LMO7: variants seen among roughly 807,000 people sequenced by gnomAD.
LMO7 encodes the protein LIM domain 7.
Under a neutral mutation model 206.5 loss-of-function variants are expected in LMO7, and 120 were observed. That is an observed-to-expected ratio of 0.58 (90% confidence interval 0.50 to 0.68). The LOEUF is 0.68. Among genes scored for constraint, LMO7 ranks in the 30% least tolerant of loss-of-function variants. LMO7 has a pLI of 0.00. For missense variants in LMO7, 1,959 were observed against 1,957.9 expected (o/e 1.00, Z -0.01); for synonymous variants, 706 against 681.5 (o/e 1.04, Z -0.56).
chr13:75,801,742 G>A (rs1257670929), intron 7 of LMO7, among the ~76,000 whole-genome samples: 4 of 151,994 alleles, frequency 2.6e-5, no homozygotes, highest in Non-Finnish European at 5.9e-5. Context: ...ATTGAGTTCT[G>A]GCTGTGATTT....
At chr13:75,786,104 C>T (rs1647670592) in intron 4 of LMO7, among the ~76,000 whole-genome samples, 1 of 152,214 alleles carries the variant, frequency 6.6e-6, no homozygotes, top group Non-Finnish European at 1.5e-5. Context: ...CCTCACCCCT[C>T]ATCTGCTCCA....
intron 4 of LMO7, among the ~76,000 whole-genome samples, chr13:75,782,654 G>A (rs1157135703): frequency 1.3e-5 from 2 of 152,178 alleles, no homozygotes. Flanking sequence ...TAAAAACAAG[G>A]CATCAGCAGG....
At chr13:75,845,417 G>T (rs1595492456) in intron 26 of LMO7, 38 bp downstream of exon 26, 19 of 1,247,592 alleles carry the variant, frequency 1.5e-5, no homozygotes, top group Middle Eastern at 1.9e-4. Flanking sequence ...CTTCAGAGTT[G>T]CTTATTTGTG....
At chr13:75,703,739 T>TGTGTGCGC (rs57290262) in intron 1 of LMO7, among the ~76,000 whole-genome samples, 47 of 151,674 alleles carry the variant, frequency 3.1e-4, no homozygotes, top group African/African-American at 1.1e-3. Context: ...TGTGTGTGTG[T>TGTGTGCGC]GCACTGTGAG....
chr13:75,713,209 A>G lies in LMO7; in HGVS notation c.97A>G (p.Lys33Glu). 1 of 1,612,010 alleles carries G rather than the reference A, an allele frequency of 6.2e-7. No individual in the cohort carries two copies. Among genetic ancestry groups the G allele is most frequent in the Non-Finnish European group, 8.5e-7 (1 of 1,178,794 alleles). ...EAVTEKNFET[K>E]DFRASLENGV... The stretch of plus-strand genomic sequence containing the variant: ...AGTAACAGAGAAGAATTTTGAAACA[A>G]AAGATTTTCGAGCCTCTCTAGAAAA... Residue 33 changes from lysine (K) to glutamate (E), a missense_variant, in exon 2 of 31, where the codon AAA becomes GAA. Lys to Glu is a moderately conservative substitution (Grantham distance 56, BLOSUM62 1). Coordinates refer to ENST00000377534, the MANE Select transcript of LMO7 (RefSeq NM_001306080.2).
chr13:75,633,840 C>CTTT (rs1566256517), upstream of LMO7, among the ~76,000 whole-genome samples: 1 of 111,274 alleles, frequency 9.0e-6, no homozygotes, highest in Admixed American at 1.1e-4. Flanking sequence ...CGTGTCTTTT[C>CTTT]CTTTTTTTTT....
chr13:75,804,304 C>G lies in LMO7; in HGVS notation c.677C>G (p.Thr226Arg). ...RGGREGFESD[T>R]DSEFTFKMQD... The stretch of plus-strand genomic sequence containing the variant: ...TTCTTTATAGGTTTTGAAAGTGACA[C>G]AGATTCGGAATTTACATTTAAGATG... The change falls in exon 8 of 31, where the codon ACA (threonine) becomes AGA (arginine). Residue 226 changes from threonine to arginine, a missense_variant. Physicochemically the swap from Thr to Arg is moderately conservative, Grantham distance 71. Coordinates refer to ENST00000377534, the MANE Select transcript of LMO7 (RefSeq NM_001306080.2). 1 of 1,612,636 alleles carries G rather than the reference C, an allele frequency of 6.2e-7. No homozygotes were observed. The highest frequency in any genetic ancestry group is 1.1e-5 in the South Asian group (1 of 91,028).
At chr13:75,626,334 T>TA (rs778146800) in intron 2 of LMO7, among the ~76,000 whole-genome samples, 321 of 151,622 alleles carry the variant, frequency 2.1e-3, no homozygotes, top group Non-Finnish European at 3.6e-3. Flanking sequence ...AGGCACTCCT[T>TA]ACATGGTGGC....
intron 4 of LMO7, among the ~76,000 whole-genome samples, chr13:75,782,595 C>T (rs1055347144): frequency 5.3e-5 from 8 of 152,224 alleles, no homozygotes; most frequent in African/African-American, 1.7e-4. Flanking sequence ...CACAAACTTA[C>T]TCTCCTACAT....
intron 1 of LMO7, among the ~76,000 whole-genome samples, chr13:75,695,820 A>G (rs2041854562): frequency 6.6e-6 from 1 of 152,256 alleles, no homozygotes; most frequent in Non-Finnish European, 1.5e-5. Flanking sequence ...AATAAAGCTG[A>G]CAGACTAGTG....
chr13:75,771,345 A>G (rs525890), intron 4 of LMO7, among the ~76,000 whole-genome samples: 3 of 152,046 alleles, frequency 2.0e-5, no homozygotes, highest in Non-Finnish European at 2.9e-5. Context: ...GGATTTTGAT[A>G]AGTGTATGTA....
At chr13:75,794,669 T>C (rs1393817214) in intron 4 of LMO7, among the ~76,000 whole-genome samples, 3 of 152,142 alleles carry the variant, frequency 2.0e-5, no homozygotes, top group Non-Finnish European at 4.4e-5. Context: ...GGGAAGTGCT[T>C]TCTTTTTAGG....
chr13:75,748,795 TTTTCTTTC>T lies in LMO7; in HGVS notation c.211-12121_211-12114del, dbSNP rs111332093. Among the ~76,000 whole-genome samples, 60 of 150,012 alleles carry T rather than the reference TTTTCTTTC, an allele frequency of 4.0e-4. 1 individual carries two copies. Among genetic ancestry groups the T allele is most frequent in the South Asian group, 2.4e-3 (11 of 4,672 alleles). ...AGTGAGGGAGTCTTTAGACTGTCTT[TTTTCTTTC>T]TTTCTTTCTTTCTTTTTTTTTTTTT... On this transcript the variant is annotated intron_variant, in intron 3 of 30. Coordinates refer to ENST00000377534, the MANE Select transcript of LMO7 (RefSeq NM_001306080.2).
intron 11 of LMO7, among the ~76,000 whole-genome samples, chr13:75,809,635 A>G (rs2056034425): frequency 6.6e-6 from 1 of 152,122 alleles, no homozygotes; most frequent in Non-Finnish European, 1.5e-5. Flanking sequence ...ACATTATCCT[A>G]TAATCGGCCA....
chr13:75,675,888 GCACACA>G (rs3036374), intron 1 of LMO7, among the ~76,000 whole-genome samples: 11,994 of 150,722 alleles, frequency 0.08, 669 homozygotes, highest in Middle Eastern at 0.17. Flanking sequence ...GCACGAGCGT[GCACACA>G]CACACACACA....
rs189946221 is a variant in LMO7, at chr13:75,683,622, A to C, written c.70-29560A>C. Among the ~76,000 whole-genome samples the C allele has an allele frequency of 1.1e-3, 169 of 152,356 alleles. 1 individual carries two copies. The highest frequency in any genetic ancestry group is 2.2e-3 in the Admixed American group (34 of 15,304). Reference sequence around the variant, plus strand: ...AAGTGTGAACCCAATAGTATCTGAGACAGGTCTCAATCAATTTAGGAAGTT... The same window carrying C: ...AAGTGTGAACCCAATAGTATCTGAGCCAGGTCTCAATCAATTTAGGAAGTT... On this transcript the variant is annotated intron_variant, in intron 1 of 30. Transcript: ENST00000377534.
intron 27 of LMO7, 47 bp from the exon 28 acceptor site, chr13:75,853,045 T>C: frequency 7.1e-7 from 1 of 1,415,952 alleles, no homozygotes; most frequent in Non-Finnish European, 9.6e-7. Flanking sequence ...AATAGATTTC[T>C]AGTTGAACAT....
intron 1 of LMO7, among the ~76,000 whole-genome samples, chr13:75,697,220 T>C (rs1270139737): frequency 1.3e-5 from 2 of 152,174 alleles, no homozygotes; most frequent in Non-Finnish European, 2.9e-5. Flanking sequence ...AAATTTTTTT[T>C]GAAAAACAAA....
rs189171300 is a variant in LMO7 at position 75,693,771 on chromosome 13, G to A, written c.70-19411G>A. 1.2e-3 allele frequency among the ~76,000 whole-genome samples: 179 copies of A among 152,276 alleles called. 1 individual carries two copies. The highest frequency in any genetic ancestry group is 4.1e-3 in the African/African-American group (170 of 41,568). On this transcript the variant is annotated intron_variant, in intron 1 of 30. Coordinates refer to ENST00000377534, the MANE Select transcript of LMO7 (RefSeq NM_001306080.2). Reference sequence around the variant, plus strand: ...GTTTCTGCATGTGGCCGAGGAGCATGGGTGGCCTGGCTGAGAGGCAGTGAG... The same window carrying A: ...GTTTCTGCATGTGGCCGAGGAGCATAGGTGGCCTGGCTGAGAGGCAGTGAG...
Sources: gnomAD v4.1 joint callset for allele counts (sites outside exome capture counted in the v4.1 genomes callset) on GRCh38, gnomAD v4.1.1 for gene constraint, MANE v1.5 for transcripts, NCBI Gene and HGNC (gene_info 2026-07-23, HGNC 2026-07-21) for gene names.